The following C3orf70 variants were observed in gnomAD, a reference collection of about 807,000 sequenced individuals.
C3orf70 encodes the protein chromosome 3 open reading frame 70.
In C3orf70, 15 loss-of-function variants were observed where a neutral mutation model predicts 20.7. The observed-to-expected ratio is 0.72, with a 90% CI of 0.48 to 1.11. C3orf70 has a LOEUF of 1.11. Ranked by LOEUF, C3orf70 falls within the 50% of genes most tolerant of loss-of-function variation. C3orf70 has a pLI of 0.00. For synonymous variants in C3orf70, 161 were observed against 125.7 expected (o/e 1.28, Z -1.88); for missense variants, 332 against 317.6 (o/e 1.05, Z -0.34).
intron 1 of C3orf70, among the ~76,000 whole-genome samples, chr3:185,126,044 T>G (rs760773028): frequency 5.9e-5 from 9 of 152,182 alleles, no homozygotes; most frequent in Non-Finnish European, 1.0e-4. Context: ...TTGTACTGTA[T>G]GTAAGTTATA....
At chr3:185,143,808 A>G (rs1716803112) in intron 1 of C3orf70, among the ~76,000 whole-genome samples, 1 of 152,196 alleles carries the variant, frequency 6.6e-6, no homozygotes, top group Admixed American at 6.5e-5. Flanking sequence ...ACATAGGATG[A>G]GCTCTATAAT....
chr3:185,121,208 T>G (rs1244384837), intron 1 of C3orf70, among the ~76,000 whole-genome samples: 1 of 151,794 alleles, frequency 6.6e-6, no homozygotes, highest in East Asian at 1.9e-4. Flanking sequence ...AATGATACAA[T>G]GGACATTGGG....
At chr3:185,131,317 G>A (rs552512008) in intron 1 of C3orf70, among the ~76,000 whole-genome samples, 2 of 152,144 alleles carry the variant, frequency 1.3e-5, no homozygotes, top group African/African-American at 4.8e-5. Flanking sequence ...CTATGACTAG[G>A]TGATCATTTC....
At position 185,081,461 on chromosome 3, in the gene C3orf70, C is replaced by T. The variant is rs1715335452; in HGVS notation, c.*1546G>A. 1 of 152,030 alleles carries T rather than the reference C, an allele frequency of 6.6e-6. No individual in the cohort carries two copies. The highest frequency in any genetic ancestry group is 2.1e-4 in the South Asian group (1 of 4,816). 9.4% of individuals were successfully genotyped at this position (152,030 alleles called of 1,614,324 possible). A position where few individuals can be genotyped will look rare whatever the true frequency, so the allele number is the denominator to read the frequency against. On this transcript the variant is annotated 3_prime_UTR_variant, in exon 2 of 2. Transcript: ENST00000335012. ...ACGTAGAGATGTACCATAATGGTGC[C>T]AGAGCACAAGGGAATCTCAGAGCAC...
chr3:185,152,314 A>G (rs1312270321), intron 1 of C3orf70, among the ~76,000 whole-genome samples: 3 of 152,218 alleles, frequency 2.0e-5, no homozygotes. Context: ...GCCTTGGTCA[A>G]AAAAAGAAAA....
At chr3:185,102,045 T>C (rs1561338868) in intron 1 of C3orf70, among the ~76,000 whole-genome samples, 1 of 152,156 alleles carries the variant, frequency 6.6e-6, no homozygotes, top group Non-Finnish European at 1.5e-5. Context: ...ACCACTCCTA[T>C]TCAACATAGA....
chr3:185,132,800 A>G (rs994613044), intron 1 of C3orf70, among the ~76,000 whole-genome samples: 8 of 152,218 alleles, frequency 5.3e-5, no homozygotes, highest in Non-Finnish European at 7.3e-5. Context: ...GGATACATCA[A>G]AAGAATTCCA....
In C3orf70 at chr3:185,083,195, C is replaced by T; in HGVS notation, c.565G>A (p.Asp189Asn). ...DHCSSPSSSE[D>N]SGINAIGAHY... ...GCCCCAATCGCATTGATCCCAGAGT[C>T]CTCAGAACTTGAGGGAGAAGAGCAG... The change falls in exon 2 of 2, where the codon GAC (aspartate) becomes AAC (asparagine). Residue 189 changes from aspartate to asparagine, a missense_variant. Coordinates refer to ENST00000335012, the MANE Select transcript of C3orf70 (RefSeq NM_001025266.3). 1 of 1,614,164 alleles carries T rather than the reference C, an allele frequency of 6.2e-7. No individual in the cohort carries two copies. Among genetic ancestry groups the T allele is most frequent in the Non-Finnish European group, 8.5e-7 (1 of 1,180,038 alleles).
At chr3:185,089,082 A>G (rs1715514366) in intron 1 of C3orf70, among the ~76,000 whole-genome samples, 1 of 152,180 alleles carries the variant, frequency 6.6e-6, no homozygotes, top group Non-Finnish European at 1.5e-5. Context: ...AGCAATTCGG[A>G]TAAGATGCCC....
chr3:185,118,295 C>A (rs943980185), intron 1 of C3orf70, among the ~76,000 whole-genome samples: 1 of 152,182 alleles, frequency 6.6e-6, no homozygotes, highest in Admixed American at 6.5e-5. Context: ...GGGCATCCTC[C>A]GTTCTAGAAG....
chr3:185,130,850 T>A (rs1716510013), intron 1 of C3orf70, among the ~76,000 whole-genome samples: 1 of 152,266 alleles, frequency 6.6e-6, no homozygotes, highest in South Asian at 2.1e-4. Context: ...ATACCTTGTT[T>A]ATCCATTCAT....
chr3:185,106,317 G>A (rs2108594247), intron 1 of C3orf70, among the ~76,000 whole-genome samples: 2 of 152,304 alleles, frequency 1.3e-5, no homozygotes, highest in Middle Eastern at 3.4e-3. Context: ...GGCCTGTGAT[G>A]GTATTGGAGG....
chr3:185,144,888 C>T lies in C3orf70; in HGVS notation c.196+7740G>A, dbSNP rs145532944. On this transcript the variant is annotated intron_variant, in intron 1 of 1. Transcript: ENST00000335012. ...TCCTGAGTAACTGGGACTATAGGCA[C>T]CCACCATGGCGCTTGGATGAAACAG... Among the ~76,000 whole-genome samples the T allele has an allele frequency of 5.0e-3, 754 of 152,254 alleles. 9 individuals are homozygous for T. The highest frequency in any genetic ancestry group is 8.3e-3 in the Non-Finnish European group (565 of 68,020).
chr3:185,079,529 T>C lies in C3orf70; in HGVS notation c.*3478A>G, dbSNP rs1206565424. 4 of 152,322 alleles carry C rather than the reference T, an allele frequency of 2.6e-5. No homozygotes were observed. In the East Asian group the frequency reaches 5.8e-4, roughly 22 times the overall value. The allele number at this position is 152,322 out of a possible 1,614,324, so 9.4% of individuals were successfully genotyped here. ...CATAGTAAAAAAGACCTAGATGTGA[T>C]AGTAAACCCTTATTTTTTAATATAC... On this transcript the variant is annotated 3_prime_UTR_variant, in exon 2 of 2. Coordinates refer to ENST00000335012, the MANE Select transcript of C3orf70 (RefSeq NM_001025266.3).
chr3:185,105,748 G>A (rs1465408236), intron 1 of C3orf70, among the ~76,000 whole-genome samples: 2 of 152,212 alleles, frequency 1.3e-5, no homozygotes, highest in South Asian at 2.1e-4. Flanking sequence ...AATCCAGGTT[G>A]AAGGGTCGCT....
At chr3:185,150,243 G>C (rs899123299) in intron 1 of C3orf70, among the ~76,000 whole-genome samples, 4 of 152,188 alleles carry the variant, frequency 2.6e-5, no homozygotes, top group Non-Finnish European at 4.4e-5. Flanking sequence ...CTGAAGGGCA[G>C]TTCTACCCGC....
chr3:185,079,306 T>TAAAAAAAAAAAAAAAAAAAAAAAAAAAA lies in C3orf70; in HGVS notation c.*3700_*3701insTTTTTTTTTTTTTTTTTTTTTTTTTTTT, dbSNP rs1321535800. On this transcript the variant is annotated 3_prime_UTR_variant, in exon 2 of 2. Transcript: ENST00000335012. Reference sequence around the variant, plus strand: ...AAAAAAAAAAAAAAAAAAAAAAAAGTAAAGCCACCACTCCCAAGATAGAAT... The same window carrying TAAAAAAAAAAAAAAAAAAAAAAAAAAAA: ...AAAAAAAAAAAAAAAAAAAAAAAAGTAAAAAAAAAAAAAAAAAAAAAAAAAAAAAAAGCCACCACTCCCAAGATAGAAT... 31 of 122,840 alleles carry TAAAAAAAAAAAAAAAAAAAAAAAAAAAA rather than the reference T, an allele frequency of 2.5e-4. No homozygotes were observed. Among genetic ancestry groups the TAAAAAAAAAAAAAAAAAAAAAAAAAAAA allele is most frequent in the Non-Finnish European group, 3.5e-4 (21 of 59,546 alleles). 7.6% of individuals were successfully genotyped at this position (122,840 alleles called of 1,614,324 possible).
chr3:185,077,730 C>A lies in C3orf70; in HGVS notation c.*5277G>T, dbSNP rs779100664. On this transcript the variant is annotated 3_prime_UTR_variant, in exon 2 of 2. Transcript: ENST00000335012. ...GCAGCCAACACTGCCCCACATGACA[C>A]GTGTAAGCCGAACAGAAAGGCTGTA... Among the ~76,000 whole-genome samples, 8 of 145,128 alleles carry A rather than the reference C, an allele frequency of 5.5e-5. No homozygotes were observed. Among genetic ancestry groups the A allele is most frequent in the African/African-American group, 1.0e-4 (4 of 39,200 alleles).
Position 185,079,692 on chromosome 3 carries a change from T to A in C3orf70, c.*3315A>T, listed in dbSNP as rs1715290214. ...CATTTAGTGGAATTAAGCTTCTACC[T>A]AATAGCTTTTATACCAACTTTCCAA... On this transcript the variant is annotated 3_prime_UTR_variant, in exon 2 of 2. Transcript: ENST00000335012. The A allele has an allele frequency of 6.6e-6, 1 of 152,328 alleles. No individual in the cohort carries two copies. The highest frequency in any genetic ancestry group is 6.5e-5 in the Admixed American group (1 of 15,280). The allele number at this position is 152,328 out of a possible 1,614,324, so 9.4% of individuals were successfully genotyped here.
Sources: allele counts gnomAD v4.1 joint callset (sites outside exome capture counted in the v4.1 genomes callset), GRCh38; gene constraint gnomAD v4.1.1; transcripts MANE v1.5; gene names NCBI Gene and HGNC (gene_info 2026-07-23, HGNC 2026-07-21).